Variants in FREM1 observed in about 807,000 individuals in gnomAD.
The protein encoded by FREM1 is FRAS1-related extracellular matrix protein 1.
FREM1 carries 220 observed loss-of-function variants against 210.1 expected under a neutral mutation model. The observed-to-expected ratio is 1.05, with a 90% confidence interval of 0.94 to 1.17. FREM1 has a LOEUF of 1.17. Ranked by LOEUF, FREM1 falls within the 50% of genes most tolerant of loss-of-function variation. FREM1 has a pLI of 0.00. For missense variants in FREM1, 3,454 were observed against 2,675.5 expected (o/e 1.29, Z -6.42); for synonymous variants, 1,189 against 980.2 (o/e 1.21, Z -3.98).
chr9:14,884,059 C>T (rs147728638), intron 1 of FREM1, among the ~76,000 whole-genome samples: 10 of 152,128 alleles, frequency 6.6e-5, no homozygotes, highest in Middle Eastern at 3.4e-3. Context: ...CGAAACCCTG[C>T]CTCTACTAAA....
At chr9:14,801,303 G>A (rs1817242794) in intron 20 of FREM1, among the ~76,000 whole-genome samples, 1 of 152,138 alleles carries the variant, frequency 6.6e-6, no homozygotes, top group Non-Finnish European at 1.5e-5. Context: ...CGGCCACGCT[G>A]TGGAATGGTT....
chr9:14,788,654 G>A (rs537248667), intron 23 of FREM1, among the ~76,000 whole-genome samples: 1 of 152,244 alleles, frequency 6.6e-6, no homozygotes, highest in South Asian at 2.1e-4. Flanking sequence ...AAAGTAGCCT[G>A]TATAGCCATA....
At chr9:14,881,282 G>A (rs989387357) in intron 1 of FREM1, among the ~76,000 whole-genome samples, 4 of 152,088 alleles carry the variant, frequency 2.6e-5, no homozygotes, top group African/African-American at 9.7e-5. Context: ...TGTATCACTG[G>A]TCAGCCTGTC....
chr9:14,868,900 G>A lies in FREM1; in HGVS notation c.78C>T (p.Ile26=), dbSNP rs1832062065. 1 of 1,606,392 alleles carries A rather than the reference G, an allele frequency of 6.2e-7. No individual in the cohort carries two copies. The highest frequency in any genetic ancestry group is 1.8e-4 in the Middle Eastern group (1 of 5,642). ...TCACCCTCACCCCGCGGTTGATGCTGATGAAGGTGGGGCTGGCCCAGGCCA... is the reference window on the plus strand; with the variant it reads ...TCACCCTCACCCCGCGGTTGATGCTAATGAAGGTGGGGCTGGCCCAGGCCA... The part of the protein sequence containing the change: ...LLLAWASPTF[I]SINRGVRVMK... Residue 26 remains isoleucine, a synonymous_variant, in exon 2 of 37, where the codon ATC becomes ATT. Transcript: ENST00000380880.
In FREM1 at chr9:14,875,932, G is replaced by A. The variant is rs558730030; in HGVS notation, c.-267-6688C>T. Among the ~76,000 whole-genome samples the A allele has an allele frequency of 1.5e-4, 23 of 152,334 alleles. No individual in the cohort carries two copies. In the East Asian group the frequency reaches 4.4e-3, roughly 29 times the overall value. ...GCTGCAGGTCTGCTGGAGTTTGCTAGAGGTCCACTCTAGACCCTGTTTGCC... is the reference window on the plus strand; with the variant it reads ...GCTGCAGGTCTGCTGGAGTTTGCTAAAGGTCCACTCTAGACCCTGTTTGCC... On this transcript the variant is annotated intron_variant, in intron 1 of 36. Transcript: ENST00000380880.
At chr9:14,800,380 C>T (rs1057190939) in intron 20 of FREM1, among the ~76,000 whole-genome samples, 3 of 152,138 alleles carry the variant, frequency 2.0e-5, no homozygotes, top group East Asian at 1.9e-4. Context: ...TCAGGAACCG[C>T]ACACTTTTCT....
chr9:14,906,950 A>G (rs940119), intron 1 of FREM1, among the ~76,000 whole-genome samples: 119,902 of 152,114 alleles, frequency 0.79, 47,728 homozygotes, highest in Middle Eastern at 0.84. Flanking sequence ...GTGACATGCA[A>G]TCTTAGCAGC....
At chr9:14,887,375 G>C (rs997014430) in intron 1 of FREM1, among the ~76,000 whole-genome samples, 1 of 152,208 alleles carries the variant, frequency 6.6e-6, no homozygotes, top group Non-Finnish European at 1.5e-5. Flanking sequence ...TTCTGGCCAA[G>C]TGCCCTTTCC....
At chr9:14,816,083 C>G (rs7867514) in intron 15 of FREM1, among the ~76,000 whole-genome samples, 4,692 of 152,240 alleles carry the variant, frequency 0.031, 216 homozygotes, top group African/African-American at 0.1. Flanking sequence ...TATCTGTAAA[C>G]AGGAAAACCC....
At chr9:14,777,661 C>G (rs1848848133) in intron 24 of FREM1, among the ~76,000 whole-genome samples, 1 of 150,888 alleles carries the variant, frequency 6.6e-6, no homozygotes, top group African/African-American at 2.4e-5. Flanking sequence ...TCTTTTTTAA[C>G]TAGAGAAGGT....
In FREM1 at chr9:14,759,795, C is replaced by A. The variant is rs1254873478; in HGVS notation, c.5311G>T (p.Asp1771Tyr). The change falls in exon 28 of 37, where the codon GAC becomes TAC. Residue 1771 changes from aspartate (D) to tyrosine (Y), a missense_variant. By Grantham distance (160) the Asp-to-Tyr change is radical (BLOSUM62 -3). Coordinates refer to ENST00000380880, the MANE Select transcript of FREM1 (RefSeq NM_001379081.2). ...ACCTTTATACCCACAAAGGCCGAGTCCATGGAATATCCCCTTCTGATAATT... is the reference window on the plus strand; with the variant it reads ...ACCTTTATACCCACAAAGGCCGAGTACATGGAATATCCCCTTCTGATAATT... ...LEIIRRGYSM[D>Y]SAFVGIKVNQ... 2 of 1,609,482 alleles carry A rather than the reference C, an allele frequency of 1.2e-6. No individual in the cohort carries two copies. The highest frequency in any genetic ancestry group is 1.3e-5 in the African/African-American group (1 of 74,934).
In FREM1 at chr9:14,825,535, A is replaced by ATGTGTG. The variant is rs1237770928; in HGVS notation, c.1882-549_1882-544dup. Among the ~76,000 whole-genome samples the ATGTGTG allele has an allele frequency of 8.1e-4, 88 of 108,710 alleles. 1 individual carries two copies. Among genetic ancestry groups the ATGTGTG allele is most frequent in the African/African-American group, 3.0e-3 (84 of 28,284 alleles). The allele number at this position is 108,710 out of a possible 152,430, so 71.3% of individuals were successfully genotyped here. ...TATATATACATACATATATATATAT[A>ATGTGTG]TGTGTGTGTGTGTATATATATATAT... is the stretch of plus-strand genomic sequence containing the variant. On this transcript the variant is annotated intron_variant, in intron 10 of 36. Transcript: ENST00000380880.
intron 10 of FREM1, among the ~76,000 whole-genome samples, chr9:14,838,068 T>C (rs1824956817): frequency 6.6e-6 from 1 of 152,230 alleles, no homozygotes; most frequent in Non-Finnish European, 1.5e-5. Flanking sequence ...GTGGCTGAGC[T>C]GAAGTTCTAG....
rs761348644 is a variant in FREM1 at position 14,801,784 on chromosome 9, T to C, written c.3562A>G (p.Thr1188Ala). 1.5e-5 allele frequency: 24 copies of C among 1,613,784 alleles called. 1 individual carries two copies. In the East Asian group the frequency reaches 4.2e-4, roughly 28 times the overall value. ...IPQDALLFSI[T>A]QKPRHGLLID... The stretch of plus-strand genomic sequence containing the variant: ...AGGAGGCCATGGCGTGGCTTTTGAG[T>C]GATGCTGAACAGCAGGGCATCCTGG... The change falls in exon 20 of 37, where the codon ACT becomes GCT. Residue 1188 changes from threonine (T) to alanine (A), a missense_variant. Physicochemically the swap from Thr to Ala is moderately conservative, Grantham distance 58. Coordinates refer to ENST00000380880, the MANE Select transcript of FREM1 (RefSeq NM_001379081.2).
At chr9:14,892,707 C>T (rs1292182123) in intron 1 of FREM1, among the ~76,000 whole-genome samples, 2 of 152,126 alleles carry the variant, frequency 1.3e-5, no homozygotes, top group African/African-American at 4.8e-5. Context: ...GCTGATGGAA[C>T]TGCCATGAAA....
intron 3 of FREM1, among the ~76,000 whole-genome samples, chr9:14,861,459 T>A (rs1203173866): frequency 6.7e-6 from 1 of 149,414 alleles, no homozygotes; most frequent in African/African-American, 2.5e-5. Flanking sequence ...CCCATCTTAA[T>A]AAATGGGGTA....
intron 21 of FREM1, among the ~76,000 whole-genome samples, chr9:14,797,119 G>A (rs930792583): frequency 6.6e-6 from 1 of 152,194 alleles, no homozygotes; most frequent in African/African-American, 2.4e-5. Flanking sequence ...ACTGTCTGCA[G>A]TTAATGTTAT....
intron 1 of FREM1, among the ~76,000 whole-genome samples, chr9:14,902,012 G>GT (rs1229303779): frequency 0.011 from 1,486 of 141,010 alleles, 11 homozygotes; most frequent in African/African-American, 0.028. Context: ...GCCATGCCTG[G>GT]TTTTTTTTTT....
chr9:14,905,245 C>T (rs948736014), intron 1 of FREM1, among the ~76,000 whole-genome samples: 26 of 152,118 alleles, frequency 1.7e-4, no homozygotes, highest in African/African-American at 6.3e-4. Context: ...AATGCAAATA[C>T]CAGACCTATT....
Sources: gnomAD v4.1 joint callset for allele counts (sites outside exome capture counted in the v4.1 genomes callset) on GRCh38, gnomAD v4.1.1 for gene constraint, MANE v1.5 for transcripts, NCBI Gene and HGNC (gene_info 2026-07-23, HGNC 2026-07-21) for gene names.